Variants in POU2F1 observed in about 807,000 individuals in gnomAD.
POU2F1 encodes the protein POU domain, class 2, transcription factor 1.
A neutral mutation model predicts 84.9 loss-of-function variants in POU2F1; 16 were observed. The ratio of observed to expected loss-of-function variants is 0.19; its 90% CI spans 0.13 to 0.29. The LOEUF (loss-of-function observed/expected upper bound fraction) is 0.29. Among genes scored for constraint, POU2F1 ranks in the 10% least tolerant of loss-of-function variants. The probability of loss-of-function intolerance (pLI) is 1.00; values close to 1 mark genes in which losing one functional copy is unlikely to be tolerated. For missense variants in POU2F1, 738 were observed against 942.6 expected, an observed-to-expected ratio of 0.78 and a Z score of 2.84; for synonymous variants, 368 against 368.3, an observed-to-expected ratio of 1.00 and a Z score of 0.01.
rs760546683 is a variant in POU2F1 at position 167,415,716 on chromosome 1, C to T, written c.2207C>T (p.Ser736Phe). ...SAPVASLHAT[S>F]TSAESIQNSL... ...CCTGTAGCCAGCCTTCACGCCACCT[C>T]CACCTCTGCTGAGTCCATCCAGAAC... The change falls in exon 16 of 16, where the codon TCC (serine) becomes TTC (phenylalanine). Residue 736 changes from serine (S) to phenylalanine (F), a missense_variant. Ser to Phe is a radical substitution (Grantham distance 155). Around this residue, in one of 4 missense-constraint regions of POU2F1, gnomAD observed 319 missense variants for 386.0 expected, o/e 0.83. Transcript: ENST00000367866. The T allele has an allele frequency of 2.5e-6, 4 of 1,614,150 alleles. No homozygotes were observed. The highest frequency in any genetic ancestry group is 3.4e-6 in the Non-Finnish European group (4 of 1,180,008).
chr1:167,378,166 A>C (rs1456342084), intron 7 of POU2F1, among the ~76,000 whole-genome samples: 2 of 152,210 alleles, frequency 1.3e-5, no homozygotes, highest in African/African-American at 4.8e-5. Context: ...TCCCACCAGC[A>C]GTGTATAAGT....
chr1:167,358,253 C>G (rs1429585620), intron 2 of POU2F1, among the ~76,000 whole-genome samples: 4 of 151,314 alleles, frequency 2.6e-5, no homozygotes, highest in Non-Finnish European at 5.9e-5. Context: ...CTCAGACTCC[C>G]TAGATCTACC....
intron 13 of POU2F1, among the ~76,000 whole-genome samples, chr1:167,410,518 A>AT (rs1226207148): frequency 1.3e-3 from 204 of 151,264 alleles, no homozygotes; most frequent in African/African-American, 4.4e-3. Flanking sequence ...TGTTATTATT[A>AT]TTATTATTAT....
intron 1 of POU2F1, among the ~76,000 whole-genome samples, chr1:167,222,070 G>T (rs550103270): frequency 6.6e-6 from 1 of 152,238 alleles, no homozygotes; most frequent in Non-Finnish European, 1.5e-5. Context: ...CACGGGGCGG[G>T]TGGCCCTCCG....
intron 2 of POU2F1, among the ~76,000 whole-genome samples, chr1:167,334,632 A>G (rs988823482): frequency 6.6e-6 from 1 of 152,144 alleles, no homozygotes; most frequent in African/African-American, 2.4e-5. Context: ...CGTCTTGTGA[A>G]TTTCTTGCCT....
chr1:167,252,152 G>T (rs577313871), intron 1 of POU2F1, among the ~76,000 whole-genome samples: 1 of 152,036 alleles, frequency 6.6e-6, no homozygotes, highest in African/African-American at 2.4e-5. Context: ...GTGAGCCACC[G>T]CTGCAAGTCT....
intron 5 of POU2F1, 115 bp downstream of exon 5, chr1:167,372,151 C>A: frequency 7.4e-7 from 1 of 1,344,862 alleles, no homozygotes; most frequent in Non-Finnish European, 1.0e-6. Context: ...ATGCCTGGCA[C>A]TATTGTGTCT....
chr1:167,389,882 GA>G (rs1648269939), intron 9 of POU2F1, 121 bp downstream of exon 9: 2 of 1,099,994 alleles, frequency 1.8e-6, no homozygotes, highest in African/African-American at 3.1e-5. Context: ...TGGGACGGGG[GA>G]CGAAAAAGGA....
Position 167,324,967 on chromosome 1 carries a change from T to C in POU2F1, c.62-7503T>C, listed in dbSNP as rs182141310. Among the ~76,000 whole-genome samples, 380 of 152,262 alleles carry C rather than the reference T, an allele frequency of 2.5e-3. 2 individuals carry two copies. Among genetic ancestry groups the C allele is most frequent in the Non-Finnish European group, 7.8e-4 (53 of 68,014 alleles). ...TCTGTGATGTAGTTGACAAGAATGG[T>C]GGCAGTGCCAATACCTATCACTTGA... is the stretch of plus-strand genomic sequence containing the variant. On this transcript the variant is annotated intron_variant, in intron 1 of 15. Transcript: ENST00000367866.
chr1:167,298,513 T>C (rs182540432), intron 1 of POU2F1, among the ~76,000 whole-genome samples: 5 of 152,278 alleles, frequency 3.3e-5, no homozygotes, highest in African/African-American at 1.2e-4. Flanking sequence ...AATTTCATCA[T>C]ATTTCTTATC....
intron 1 of POU2F1, among the ~76,000 whole-genome samples, chr1:167,273,931 C>A (rs977887873): frequency 6.6e-5 from 10 of 152,130 alleles, no homozygotes; most frequent in Non-Finnish European, 1.3e-4. Flanking sequence ...TTATTTTCTT[C>A]CTGAATAATT....
In POU2F1 at chr1:167,259,399, C is replaced by CAG. The variant is rs1651383101; in HGVS notation, c.61+38442_61+38443insGA. Among the ~76,000 whole-genome samples the CAG allele has an allele frequency of 1.3e-5, 2 of 152,150 alleles. 1 individual carries two copies. The highest frequency in any genetic ancestry group is 4.1e-4 in the South Asian group (2 of 4,826). On this transcript the variant is annotated intron_variant, in intron 1 of 15. Coordinates refer to ENST00000367866, the MANE Select transcript of POU2F1 (RefSeq NM_002697.4). ...AACCAGTTTAGTAAACCATCTACCG[C>CAG]AATTCAGTTTCATGACCGTGTGGTA...
Position 167,398,144 on chromosome 1 carries a change from A to G in POU2F1, c.1269+11A>G, listed in dbSNP as rs1366457643. On this transcript the variant is annotated intron_variant, in intron 11 of 15. Transcript: ENST00000367866. ...AAGAGTTTCTTGGAGGTCAGTGAGGATTTTACTTTTCTGTACATGGGATTG... is the reference window on the plus strand; with the variant it reads ...AAGAGTTTCTTGGAGGTCAGTGAGGGTTTTACTTTTCTGTACATGGGATTG... The G allele has an allele frequency of 6.2e-7, 1 of 1,612,970 alleles. No homozygotes were observed.
intron 1 of POU2F1, among the ~76,000 whole-genome samples, chr1:167,221,663 C>G (rs1183366471): frequency 6.6e-6 from 1 of 150,940 alleles, no homozygotes; most frequent in East Asian, 2.0e-4. Context: ...CCGGGGGTCA[C>G]GGCCCCAGGC....
chr1:167,380,378 C>T (rs77503391), intron 7 of POU2F1: 6 of 152,302 alleles, frequency 3.9e-5, no homozygotes, highest in African/African-American at 1.4e-4. Flanking sequence ...ATGACATTAT[C>T]ATGATACCAG....
intron 5 of POU2F1, 132 bp from the exon 6 acceptor site, chr1:167,373,976 T>C: frequency 1.3e-6 from 1 of 759,894 alleles, no homozygotes; most frequent in Non-Finnish European, 2.3e-6. Context: ...ACATTTTAGC[T>C]GTCTGCTAAG....
chr1:167,264,780 C>T (rs1434545761), intron 1 of POU2F1, among the ~76,000 whole-genome samples: 1 of 152,166 alleles, frequency 6.6e-6, no homozygotes. Context: ...ACACCAACAG[C>T]CTATTCTAGA....
intron 15 of POU2F1, among the ~76,000 whole-genome samples, chr1:167,415,177 A>G (rs1288758376): frequency 6.6e-6 from 1 of 152,256 alleles, no homozygotes; most frequent in Non-Finnish European, 1.5e-5. Context: ...TGGATTTATC[A>G]AATATGTCTA....
chr1:167,231,635 A>G (rs1234960904), intron 1 of POU2F1, among the ~76,000 whole-genome samples: 5 of 152,230 alleles, frequency 3.3e-5, no homozygotes, highest in African/African-American at 1.2e-4. Flanking sequence ...AGAGTAATGA[A>G]TAAGATAACA....
Sources: gnomAD v4.1 joint callset for allele counts (sites outside exome capture counted in the v4.1 genomes callset) on GRCh38, gnomAD v4.1.1 for gene constraint, gnomAD v4.1.1 regional missense constraint, MANE v1.5 for transcripts, NCBI Gene and HGNC (gene_info 2026-07-23, HGNC 2026-07-21) for gene names.